The following CSMD1 variants were observed in gnomAD, a reference collection of about 807,000 sequenced individuals.
The protein encoded by CSMD1 is CUB and Sushi multiple domains 1, also known as CUB and sushi domain-containing protein 1.
In CSMD1, 213 loss-of-function variants were observed where a neutral mutation model predicts 417.5. The ratio of observed to expected loss-of-function variants is 0.51; its 90% CI spans 0.46 to 0.57. The LOEUF is 0.57. Among genes scored for constraint, CSMD1 ranks in the 20% least tolerant of loss-of-function variants. The pLI, the probability that CSMD1 is intolerant of heterozygous loss-of-function variation, is 0.00. For synonymous variants in CSMD1, 2,862 were observed against 1,736.8 expected (o/e 1.65, Z -16.11); for missense variants, 6,923 against 4,529.7 (o/e 1.53, Z -15.17).
At chr8:4,080,325 C>T (rs530728164) in intron 3 of CSMD1, among the ~76,000 whole-genome samples, 15 of 152,206 alleles carry the variant, frequency 9.9e-5, no homozygotes, top group South Asian at 8.3e-4. Context: ...CGATCTTACC[C>T]GTGAGTACTT....
intron 5 of CSMD1, among the ~76,000 whole-genome samples, chr8:3,962,622 C>A (rs1284169279): frequency 6.6e-6 from 1 of 152,068 alleles, no homozygotes; most frequent in Non-Finnish European, 1.5e-5. Flanking sequence ...GGATCATTGG[C>A]TGAAAAGGAG....
intron 5 of CSMD1, among the ~76,000 whole-genome samples, chr8:3,910,217 G>A (rs955733282): frequency 6.6e-6 from 1 of 152,140 alleles, no homozygotes; most frequent in African/African-American, 2.4e-5. Flanking sequence ...TGTTCATGCA[G>A]TTCAGTGAAT....
intron 3 of CSMD1, among the ~76,000 whole-genome samples, chr8:4,199,678 G>C (rs575758667): frequency 4.6e-5 from 7 of 152,084 alleles, no homozygotes; most frequent in African/African-American, 1.4e-4. Flanking sequence ...GGACAGGCAA[G>C]GCAGTCCAGA....
At position 3,205,535 on chromosome 8, in the gene CSMD1, G is replaced by A; in HGVS notation, c.4953C>T (p.Cys1651=). 6.3e-7 allele frequency: 1 copy of A among 1,591,562 alleles called. No homozygotes were observed. ...CCTTTGGTACCGTGATGGAATAGAGGCATATTTGACCAGCTGTGTAATTAT... is the reference window on the plus strand; with the variant it reads ...CCTTTGGTACCGTGATGGAATAGAGACATATTTGACCAGCTGTGTAATTAT... ...YPHNYTAGQI[C]LYSITVPKEF... is the part of the protein sequence containing the mutation. Residue 1651 remains cysteine, a synonymous_variant, in exon 31 of 70, where the codon TGC becomes TGT. Transcript: ENST00000635120.
chr8:4,779,037 C>G (rs1030190318), intron 1 of CSMD1, among the ~76,000 whole-genome samples: 14 of 151,914 alleles, frequency 9.2e-5, no homozygotes, highest in African/African-American at 3.2e-4. Context: ...ATATCTTAAT[C>G]AACATTTCAG....
intron 3 of CSMD1, among the ~76,000 whole-genome samples, chr8:4,363,473 C>G (rs180763968): frequency 6.6e-6 from 1 of 152,136 alleles, no homozygotes; most frequent in Non-Finnish European, 1.5e-5. Flanking sequence ...TTCCCCACCA[C>G]CCCCTCTCTG....
At chr8:3,475,476 A>C (rs146927814) in intron 11 of CSMD1, among the ~76,000 whole-genome samples, 10 of 152,384 alleles carry the variant, frequency 6.6e-5, no homozygotes, top group African/African-American at 2.4e-4. Context: ...GTTAGGCAGC[A>C]TACCAAGGGC....
At chr8:3,719,561 G>T (rs138493721) in intron 6 of CSMD1, among the ~76,000 whole-genome samples, 1 of 152,164 alleles carries the variant, frequency 6.6e-6, no homozygotes. Flanking sequence ...CTTTTGACAT[G>T]TAAGAGCAAT....
intron 54 of CSMD1, among the ~76,000 whole-genome samples, chr8:2,994,222 A>T (rs1375686842): frequency 2.6e-5 from 4 of 151,678 alleles, no homozygotes; most frequent in Non-Finnish European, 5.9e-5. Context: ...AGAAAACAAC[A>T]TTCAAACAAC....
rs138207519 is a variant in CSMD1, at chr8:4,294,222, C to T, written c.415+125731G>A. On this transcript the variant is annotated intron_variant, in intron 3 of 69. Coordinates refer to ENST00000635120, the MANE Select transcript of CSMD1 (RefSeq NM_033225.6). ...CAGGGACACCAAAATGCGGGAGAAA[C>T]TGAACATCTCTGAATTGATAGCATA... Among the ~76,000 whole-genome samples the T allele has an allele frequency of 1.3e-3, 194 of 152,304 alleles. 1 individual carries two copies. Among genetic ancestry groups the T allele is most frequent in the African/African-American group, 4.5e-3 (189 of 41,568 alleles).
At chr8:3,603,508 G>A (rs1043063447) in intron 8 of CSMD1, among the ~76,000 whole-genome samples, 2 of 152,080 alleles carry the variant, frequency 1.3e-5, no homozygotes, top group Non-Finnish European at 2.9e-5. Context: ...CACTAGACAA[G>A]AGAGTAAAAA....
chr8:3,731,997 C>T (rs1375458128), intron 6 of CSMD1, among the ~76,000 whole-genome samples: 1 of 152,092 alleles, frequency 6.6e-6, no homozygotes, highest in Non-Finnish European at 1.5e-5. Context: ...AGAACAGCAG[C>T]AACATTGTAA....
At chr8:4,983,616 G>C (rs1279012018) in intron 1 of CSMD1, among the ~76,000 whole-genome samples, 1 of 152,134 alleles carries the variant, frequency 6.6e-6, no homozygotes, top group African/African-American at 2.4e-5. Context: ...TCTGTCTCTA[G>C]GGTTCAAGCG....
intron 30 of CSMD1, among the ~76,000 whole-genome samples, chr8:3,211,863 T>C (rs753841029): frequency 1.1e-4 from 17 of 152,196 alleles, no homozygotes; most frequent in Non-Finnish European, 1.5e-4. Context: ...ACCACTGGCA[T>C]GCACTGCCCA....
chr8:3,478,527 C>T (rs1470403385), intron 11 of CSMD1, among the ~76,000 whole-genome samples: 1 of 152,146 alleles, frequency 6.6e-6, no homozygotes, highest in African/African-American at 2.4e-5. Context: ...AGGAGAAAGA[C>T]AAGCTGGCCT....
At chr8:4,749,347 G>C (rs1230218811) in intron 1 of CSMD1, among the ~76,000 whole-genome samples, 1 of 152,144 alleles carries the variant, frequency 6.6e-6, no homozygotes, top group Non-Finnish European at 1.5e-5. Flanking sequence ...AAACGTAAAA[G>C]CCATTTAAAT....
chr8:3,856,118 T>G (rs958408093), intron 5 of CSMD1, among the ~76,000 whole-genome samples: 17 of 152,158 alleles, frequency 1.1e-4, no homozygotes, highest in Admixed American at 6.5e-5. Context: ...TTCCCAGTGC[T>G]GGAGACGGGG....
intron 1 of CSMD1, among the ~76,000 whole-genome samples, chr8:4,867,271 C>T (rs1802471394): frequency 6.6e-6 from 1 of 152,102 alleles, no homozygotes; most frequent in East Asian, 1.9e-4. Flanking sequence ...ATAAACACTC[C>T]CTACTCATCA....
At chr8:4,041,947 G>C (rs189368727) in intron 3 of CSMD1, among the ~76,000 whole-genome samples, 6 of 152,182 alleles carry the variant, frequency 3.9e-5, no homozygotes, top group Non-Finnish European at 7.4e-5. Flanking sequence ...GCAAGATAAA[G>C]TATTTAAAAT....
Sources: gnomAD v4.1 joint callset for allele counts (sites outside exome capture counted in the v4.1 genomes callset) on GRCh38, gnomAD v4.1.1 for gene constraint, MANE v1.5 for transcripts, NCBI Gene and HGNC (gene_info 2026-07-23, HGNC 2026-07-21) for gene names.